PEAK1: variants seen among roughly 807,000 people sequenced by gnomAD.
PEAK1 encodes the protein pseudopodium enriched atypical kinase 1.
Under a neutral mutation model 124.7 loss-of-function variants are expected in PEAK1, and 54 were observed. The observed-to-expected ratio is 0.43, with a 90% CI of 0.35 to 0.54. PEAK1 has a LOEUF of 0.54. PEAK1 is among the 20% of genes least tolerant of loss of function. The probability of loss-of-function intolerance (pLI) is 0.01; values close to 1 mark genes in which losing one functional copy is unlikely to be tolerated. For synonymous variants in PEAK1, 719 were observed against 760.0 expected (o/e 0.95, Z 0.89); for missense variants, 2,046 against 2,134.5 (o/e 0.96, Z 0.82).
chr15:77,404,016 T>C (rs1487163228), intron 1 of PEAK1: 1 of 974,766 alleles, frequency 1.0e-6, no homozygotes, highest in Admixed American at 6.2e-5. Context: ...ATGAGCATAG[T>C]ACCTGGTAGT....
intron 6 of PEAK1, among the ~76,000 whole-genome samples, chr15:77,186,940 C>T (rs1325527435): frequency 6.6e-6 from 1 of 152,144 alleles, no homozygotes; most frequent in African/African-American, 2.4e-5. Flanking sequence ...ACCAACGCTC[C>T]CCAAATGGGA....
chr15:77,353,503 A>C (rs1367783579), intron 2 of PEAK1, among the ~76,000 whole-genome samples: 1 of 152,186 alleles, frequency 6.6e-6, no homozygotes, highest in Non-Finnish European at 1.5e-5. Context: ...AAAGGAATTA[A>C]AGGAGAGTTA....
intron 8 of PEAK1, among the ~76,000 whole-genome samples, chr15:77,154,916 A>G (rs1298526217): frequency 6.6e-6 from 1 of 151,944 alleles, no homozygotes; most frequent in Non-Finnish European, 1.5e-5. Flanking sequence ...GCTGCCCTTA[A>G]CATTTTTTCC....
chr15:77,327,585 C>A (rs540104367), intron 2 of PEAK1, among the ~76,000 whole-genome samples: 1 of 151,654 alleles, frequency 6.6e-6, no homozygotes, highest in Non-Finnish European at 1.5e-5. Context: ...ATTATATCAA[C>A]AATAATAAAA....
intron 2 of PEAK1, chr15:77,348,905 G>A: frequency 4.2e-6 from 4 of 947,922 alleles, no homozygotes; most frequent in Non-Finnish European, 5.0e-6. Flanking sequence ...GCCTCGCAAA[G>A]TGCTGGGATT....
chr15:77,207,751 G>A (rs2152857221), intron 6 of PEAK1, among the ~76,000 whole-genome samples: 1 of 152,132 alleles, frequency 6.6e-6, no homozygotes, highest in African/African-American at 2.4e-5. Context: ...CTATAATGGT[G>A]GATACATTAC....
intron 5 of PEAK1, among the ~76,000 whole-genome samples, chr15:77,273,558 T>C (rs190409686): frequency 5.3e-5 from 8 of 150,808 alleles, no homozygotes; most frequent in Non-Finnish European, 8.9e-5. Context: ...CTTAGGAATA[T>C]ACTTAACCAA....
chr15:77,403,802 A>C, intron 1 of PEAK1: 1 of 981,224 alleles, frequency 1.0e-6, no homozygotes, highest in Non-Finnish European at 1.2e-6. Context: ...ATTTAAAAAA[A>C]AGCTTATTCA....
chr15:77,384,007 T>G (rs888266336), intron 1 of PEAK1, among the ~76,000 whole-genome samples: 3 of 152,264 alleles, frequency 2.0e-5, no homozygotes, highest in South Asian at 4.1e-4. Flanking sequence ...AAGATTAAAC[T>G]CTAACAAAAT....
chr15:77,367,258 T>C (rs774093183), intron 1 of PEAK1, among the ~76,000 whole-genome samples: 1 of 152,216 alleles, frequency 6.6e-6, no homozygotes, highest in African/African-American at 2.4e-5. Flanking sequence ...GTAAAGGGCA[T>C]ACATAGGAAC....
chr15:77,301,107 A>T (rs1352380132), intron 2 of PEAK1, among the ~76,000 whole-genome samples: 1 of 152,116 alleles, frequency 6.6e-6, no homozygotes, highest in African/African-American at 2.4e-5. Flanking sequence ...AAATTTATTT[A>T]TTTTTATATG....
rs80183553 is a variant in PEAK1 at position 77,209,547 on chromosome 15, C to G, written c.-114-27507G>C. ...TATGGAAGTATGATACAGCAGAGAACTTTCTGGACTTAAAAGATCCCTTTG... is the reference window on the plus strand; with the variant it reads ...TATGGAAGTATGATACAGCAGAGAAGTTTCTGGACTTAAAAGATCCCTTTG... On this transcript the variant is annotated intron_variant, in intron 6 of 9. Transcript: ENST00000682557. 7.3e-3 allele frequency among the ~76,000 whole-genome samples: 1,109 copies of G among 152,220 alleles called. 14 individuals carry two copies. Among genetic ancestry groups the G allele is most frequent in the African/African-American group, 0.025 (1,054 of 41,532 alleles).
rs910556542 is a variant in PEAK1, at chr15:77,378,205, TATAC to T, written c.-665-12984_-665-12981del. ...TAACAATATTATATATATATATATATATACATAATCCCATAAAAATAAAGCAAGC... is the reference window on the plus strand; with the variant it reads ...TAACAATATTATATATATATATATATATAATCCCATAAAAATAAAGCAAGC... On this transcript the variant is annotated intron_variant, in intron 1 of 9. Coordinates refer to ENST00000682557, the MANE Select transcript of PEAK1 (RefSeq NM_001385026.1). Among the ~76,000 whole-genome samples the T allele has an allele frequency of 3.2e-3, 420 of 130,584 alleles. 1 individual carries two copies. Among genetic ancestry groups the T allele is most frequent in the African/African-American group, 6.2e-3 (232 of 37,504 alleles). 85.7% of individuals were successfully genotyped at this position (130,584 alleles called of 152,430 possible).
downstream of PEAK1, chr15:77,104,232 TG>T (rs1222999773): frequency 1.3e-5 from 2 of 152,282 alleles, no homozygotes; most frequent in Non-Finnish European, 2.9e-5. Flanking sequence ...GGTTAATGTG[TG>T]GGAAAGCCTG....
At chr15:77,388,781 G>T in intron 1 of PEAK1, among the ~76,000 whole-genome samples, 1 of 145,184 alleles carries the variant, frequency 6.9e-6, no homozygotes, top group African/African-American at 2.5e-5. Context: ...TGAATTCTGG[G>T]TCTCCAAGTT....
chr15:77,289,870 C>T (rs992381531), intron 2 of PEAK1, among the ~76,000 whole-genome samples: 1 of 152,120 alleles, frequency 6.6e-6, no homozygotes, highest in Non-Finnish European at 1.5e-5. Context: ...AGATAATACA[C>T]TAGTCATAGT....
At chr15:77,214,436 G>A (rs191490722) in intron 6 of PEAK1, among the ~76,000 whole-genome samples, 2,181 of 150,334 alleles carry the variant, frequency 0.015, 30 homozygotes, top group Middle Eastern at 0.024. Context: ...CTAACCCGGT[G>A]AAACCTCGTC....
chr15:77,212,956 T>G (rs1439598240), intron 6 of PEAK1, among the ~76,000 whole-genome samples: 1 of 152,184 alleles, frequency 6.6e-6, no homozygotes, highest in Admixed American at 6.5e-5. Flanking sequence ...AAAGTGAATT[T>G]TTCATTTATT....
chr15:77,381,123 A>G (rs2069441625), intron 1 of PEAK1: 1 of 722,356 alleles, frequency 1.4e-6, no homozygotes, highest in Non-Finnish European at 1.7e-6. Flanking sequence ...GCTACTATGG[A>G]GTTTTAAATA....
Sources: allele counts gnomAD v4.1 joint callset (sites outside exome capture counted in the v4.1 genomes callset), GRCh38; gene constraint gnomAD v4.1.1; transcripts MANE v1.5; gene names NCBI Gene and HGNC (gene_info 2026-07-23, HGNC 2026-07-21).